The following ARHGEF3 variants were observed in gnomAD, a reference collection of about 807,000 sequenced individuals.
ARHGEF3 encodes the protein 59.8 kDA protein.
In ARHGEF3, 28 loss-of-function variants were observed where a neutral mutation model predicts 63.2. The ratio of observed to expected loss-of-function variants is 0.44; its 90% CI spans 0.33 to 0.61. The LOEUF (loss-of-function observed/expected upper bound fraction) is 0.61. ARHGEF3 is among the 20% of genes least tolerant of loss of function. The pLI is 0.03. For missense variants in ARHGEF3, 533 were observed against 659.3 expected, an observed-to-expected ratio of 0.81 and a Z score of 2.10; for synonymous variants, 266 against 254.2, an observed-to-expected ratio of 1.05 and a Z score of -0.44.
chr3:56,963,610 G>A lies in ARHGEF3; in HGVS notation c.63-4721C>T, dbSNP rs143165879. Among the ~76,000 whole-genome samples, 753 of 152,208 alleles carry A rather than the reference G, an allele frequency of 4.9e-3. 7 individuals carry two copies. The highest frequency in any genetic ancestry group is 0.017 in the African/African-American group (695 of 41,516). On this transcript the variant is annotated intron_variant, in intron 2 of 12. Transcript: ENST00000338458. ...TCTTAACCCAGAACATCTTGCTAAC[G>A]AAACTTTTTTCGTCTTTTCTCGTTT...
chr3:56,953,454 T>C (rs1196008170), intron 3 of ARHGEF3, among the ~76,000 whole-genome samples: 1 of 152,190 alleles, frequency 6.6e-6, no homozygotes. Context: ...TGGGCTCCAT[T>C]ATTTTCTGGC....
chr3:57,021,247 C>T (rs932327802), intron 2 of ARHGEF3, among the ~76,000 whole-genome samples: 1 of 152,162 alleles, frequency 6.6e-6, no homozygotes, highest in Non-Finnish European at 1.5e-5. Flanking sequence ...AAAACAAAAA[C>T]AGATGTCTCC....
chr3:56,791,191 C>T (rs1483284594), intron 1 of ARHGEF3, among the ~76,000 whole-genome samples: 24 of 151,958 alleles, frequency 1.6e-4, no homozygotes, highest in Admixed American at 1.6e-3. Context: ...TTACTTGAAC[C>T]CCGGAGTTCG....
In ARHGEF3 at chr3:56,865,518, G is replaced by C. The variant is rs191416226; in HGVS notation, c.192+16774C>G. ...TCAGTTACACATAATATTCAAATTT[G>C]TGAAAACTCACTGTATCCAAACCAT... On this transcript the variant is annotated intron_variant, in intron 4 of 12. Transcript: ENST00000338458. Among the ~76,000 whole-genome samples, 127 of 152,252 alleles carry C rather than the reference G, an allele frequency of 8.3e-4. 2 individuals carry two copies. Among genetic ancestry groups the C allele is most frequent in the South Asian group, 2.7e-3 (13 of 4,830 alleles).
intron 2 of ARHGEF3, among the ~76,000 whole-genome samples, chr3:57,021,304 AAAG>A (rs1415989609): frequency 2.1e-5 from 3 of 143,032 alleles, no homozygotes; most frequent in African/African-American, 7.9e-5. Flanking sequence ...CTGATTGAAA[AAAG>A]AAACTTTTAA....
At chr3:57,077,338 TC>T (rs1706266317) in intron 1 of ARHGEF3, among the ~76,000 whole-genome samples, 1 of 152,152 alleles carries the variant, frequency 6.6e-6, no homozygotes, top group Non-Finnish European at 1.5e-5. Flanking sequence ...ACCTCCACTT[TC>T]CTACCAGAAG....
chr3:56,949,760 C>T (rs1160609980), intron 3 of ARHGEF3, among the ~76,000 whole-genome samples: 1 of 152,024 alleles, frequency 6.6e-6, no homozygotes, highest in Non-Finnish European at 1.5e-5. Context: ...TGATTTTCTT[C>T]ACAGAATTGG....
chr3:56,895,989 CA>C (rs1363450201), intron 3 of ARHGEF3, among the ~76,000 whole-genome samples: 1 of 152,102 alleles, frequency 6.6e-6, no homozygotes, highest in African/African-American at 2.4e-5. Context: ...CCTGCAGGCA[CA>C]GGGGGCTGGC....
At chr3:56,749,458 A>C (rs1559901778) in intron 6 of ARHGEF3, among the ~76,000 whole-genome samples, 1 of 152,224 alleles carries the variant, frequency 6.6e-6, no homozygotes, top group South Asian at 2.1e-4. Context: ...TGTCTCATCA[A>C]AAGCAGAGGA....
At chr3:57,064,514 T>C (rs1198096026) in intron 1 of ARHGEF3, among the ~76,000 whole-genome samples, 1 of 152,006 alleles carries the variant, frequency 6.6e-6, no homozygotes, top group Non-Finnish European at 1.5e-5. Context: ...GTAGACAGGG[T>C]ATCACCATGT....
intron 4 of ARHGEF3, among the ~76,000 whole-genome samples, chr3:56,839,385 CA>C (rs1281534346): frequency 2.0e-5 from 3 of 151,832 alleles, no homozygotes; most frequent in African/African-American, 7.3e-5. Flanking sequence ...CCAGGTAACT[CA>C]CAGAACAACA....
intron 4 of ARHGEF3, among the ~76,000 whole-genome samples, chr3:56,877,611 G>A (rs2040630528): frequency 6.6e-6 from 1 of 152,032 alleles, no homozygotes; most frequent in Non-Finnish European, 1.5e-5. Context: ...GGGCTCAAGT[G>A]ATCCTCTCGC....
chr3:56,810,252 C>T (rs1170811790), intron 4 of ARHGEF3, among the ~76,000 whole-genome samples: 2 of 152,148 alleles, frequency 1.3e-5, no homozygotes, highest in African/African-American at 4.8e-5. Flanking sequence ...TTTATGTACT[C>T]TCTAAAATAG....
chr3:57,064,309 TTTTTTTTTTCTTTC>T (rs1162735172), intron 1 of ARHGEF3, among the ~76,000 whole-genome samples: 6 of 149,036 alleles, frequency 4.0e-5, no homozygotes, highest in Middle Eastern at 3.4e-3. Context: ...AAATTCTTTC[TTTTTTTTTTCTTTC>T]TTTTTTTTTC....
intron 1 of ARHGEF3, among the ~76,000 whole-genome samples, chr3:57,071,157 C>T (rs984051611): frequency 6.6e-6 from 1 of 152,096 alleles, no homozygotes. Context: ...GAAATAAATG[C>T]TTACATTTAT....
chr3:56,922,810 C>T (rs1440097992), intron 3 of ARHGEF3, among the ~76,000 whole-genome samples: 1 of 151,844 alleles, frequency 6.6e-6, no homozygotes, highest in African/African-American at 2.4e-5. Flanking sequence ...CTTTAGTTTC[C>T]TTATCTGTAA....
chr3:56,968,314 A>AT (rs1553794456), intron 2 of ARHGEF3, among the ~76,000 whole-genome samples: 6 of 59,406 alleles, frequency 1.0e-4, no homozygotes, highest in Non-Finnish European at 1.9e-4. Context: ...ATATATATAA[A>AT]ATATATTTTA....
At chr3:57,065,407 G>A (rs369729725) in intron 1 of ARHGEF3, among the ~76,000 whole-genome samples, 2 of 152,000 alleles carry the variant, frequency 1.3e-5, no homozygotes, top group Admixed American at 6.6e-5. Flanking sequence ...GTTGCAGTAA[G>A]CTGAGATTAT....
rs181806319 is a variant in ARHGEF3 at position 56,964,307 on chromosome 3, C to T, written c.63-5418G>A. The stretch of plus-strand genomic sequence containing the variant: ...GGCACAGGTTGCAGGGAGCCGAGAT[C>T]GTGCCACTGCACTCCAGCCTGGGTG... On this transcript the variant is annotated intron_variant, in intron 2 of 12. Coordinates refer to the ARHGEF3 transcript ENST00000338458. 1.7e-3 allele frequency among the ~76,000 whole-genome samples: 254 copies of T among 146,118 alleles called. 3 individuals carry two copies. The highest frequency in any genetic ancestry group is 0.017 in the Admixed American group (235 of 14,054).
Sources: allele counts gnomAD v4.1 joint callset (sites outside exome capture counted in the v4.1 genomes callset), GRCh38; gene constraint gnomAD v4.1.1; transcripts MANE v1.5; gene names NCBI Gene and HGNC (gene_info 2026-07-23, HGNC 2026-07-21).